ACSM2A: variants seen among roughly 807,000 people sequenced by gnomAD.
ACSM2A encodes acyl-coenzyme A synthetase ACSM2A, mitochondrial.
ACSM2A carries 72 observed loss-of-function variants against 76.6 expected under a neutral mutation model. The observed-to-expected ratio is 0.94, with a 90% confidence interval of 0.78 to 1.14. The LOEUF is 1.14. ACSM2A is among the 50% of genes most tolerant of loss of function. The probability of loss-of-function intolerance (pLI) is 0.00; values close to 1 mark genes in which losing one functional copy is unlikely to be tolerated. For missense variants in ACSM2A, 684 were observed against 708.5 expected, an observed-to-expected ratio of 0.97 and a Z score of 0.39; for synonymous variants, 249 against 255.9, an observed-to-expected ratio of 0.97 and a Z score of 0.26.
At chr16:20,471,759 A>G (rs2013426736) in intron 6 of ACSM2A, 70 bp downstream of exon 6, 1 of 1,552,782 alleles carries the variant, frequency 6.4e-7, no homozygotes, top group African/African-American at 1.4e-5. Context: ...AATTTATTGT[A>G]GTTTGTTTCA....
intron 3 of ACSM2A, among the ~76,000 whole-genome samples, chr16:20,466,577 G>C (rs983707639): frequency 3.3e-5 from 5 of 152,212 alleles, no homozygotes; most frequent in Admixed American, 2.6e-4. Flanking sequence ...AGTTTTTCAA[G>C]GATGCTTTGG....
chr16:20,478,406 G>A (rs1826721636), intron 9 of ACSM2A, among the ~76,000 whole-genome samples, 170 bp from the exon 10 acceptor site: 1 of 152,196 alleles, frequency 6.6e-6, no homozygotes, highest in Admixed American at 6.5e-5. Flanking sequence ...CAGGCAGATA[G>A]ATCAGAGATC....
intron 10 of ACSM2A, among the ~76,000 whole-genome samples, chr16:20,479,107 T>G (rs1456929988): frequency 6.6e-6 from 1 of 152,088 alleles, no homozygotes; most frequent in African/African-American, 2.4e-5. Context: ...AATCCCTATC[T>G]TCAGATCTTG....
intron 12 of ACSM2A, chr16:20,481,523 C>G (rs2014082119): frequency 6.6e-6 from 1 of 152,228 alleles, no homozygotes; most frequent in South Asian, 2.1e-4. Flanking sequence ...AATAGCTGAT[C>G]TCATGGAGAT....
chr16:20,459,013 G>A (rs2141689752), intron 1 of ACSM2A, among the ~76,000 whole-genome samples: 1 of 141,686 alleles, frequency 7.1e-6, no homozygotes, highest in South Asian at 2.2e-4. Flanking sequence ...GATGGGATTG[G>A]AGACCATCGT....
chr16:20,459,744 G>T (rs2012487912), intron 1 of ACSM2A, among the ~76,000 whole-genome samples: 1 of 152,162 alleles, frequency 6.6e-6, no homozygotes, highest in African/African-American at 2.4e-5. Flanking sequence ...ACTTGAAAAT[G>T]AATGGGGATT....
intron 12 of ACSM2A, chr16:20,482,134 C>CAAAAAAAAAAAAAAAAAAAAAAAAAAAA: frequency 2.0e-5 from 1 of 49,724 alleles, no homozygotes; most frequent in Non-Finnish European, 4.9e-5. Flanking sequence ...GACTCTGTCT[C>CAAAAAAAAAAAAAAAAAAAAAAAAAAAA]AAAAAAAAAA....
At chr16:20,456,530 A>C (rs1043418808) in intron 1 of ACSM2A, among the ~76,000 whole-genome samples, 1 of 152,034 alleles carries the variant, frequency 6.6e-6, no homozygotes, top group Non-Finnish European at 1.5e-5. Context: ...GTGGAAATTA[A>C]ATAACCTGTT....
At chr16:20,465,120 T>C (rs1334959808) in intron 2 of ACSM2A, among the ~76,000 whole-genome samples, 1 of 152,170 alleles carries the variant, frequency 6.6e-6, no homozygotes, top group African/African-American at 2.4e-5. Flanking sequence ...GAGGATCCAA[T>C]GTTTTTCTAC....
intron 12 of ACSM2A, chr16:20,481,813 T>C (rs2014101592): frequency 7.5e-6 from 1 of 133,572 alleles, no homozygotes; most frequent in Non-Finnish European, 1.6e-5. Flanking sequence ...TATTTGCGTG[T>C]AACAAAATGT....
chr16:20,467,543 G>A (rs1244920614), intron 3 of ACSM2A, among the ~76,000 whole-genome samples: 2 of 152,122 alleles, frequency 1.3e-5, no homozygotes, highest in African/African-American at 2.4e-5. Flanking sequence ...GGAGATAAGT[G>A]GATTTAACAG....
intron 2 of ACSM2A, among the ~76,000 whole-genome samples, chr16:20,463,197 G>T (rs1331352496): frequency 2.7e-5 from 4 of 150,776 alleles, no homozygotes; most frequent in African/African-American, 9.7e-5. Context: ...AAACGTGCAC[G>T]TTGTGCACAT....
At chr16:20,474,221 G>A (rs376984708) in intron 6 of ACSM2A, 40 of 272,342 alleles carry the variant, frequency 1.5e-4, no homozygotes, top group African/African-American at 3.2e-4. Context: ...CTCTTCAAAT[G>A]TTTTACAGAG....
At chr16:20,462,118 G>A (rs1206498872) in intron 2 of ACSM2A, among the ~76,000 whole-genome samples, 1 of 152,116 alleles carries the variant, frequency 6.6e-6, no homozygotes. Context: ...TATCTCAAAG[G>A]TCAGTCTTAG....
At chr16:20,474,507 T>C (rs995320119) in intron 6 of ACSM2A, among the ~76,000 whole-genome samples, 61 of 152,306 alleles carry the variant, frequency 4.0e-4, no homozygotes, top group Non-Finnish European at 7.9e-4. Context: ...CCTTGGACTT[T>C]CCAGCCCCTA....
At chr16:20,464,735 A>T (rs142707329) in intron 2 of ACSM2A, among the ~76,000 whole-genome samples, 2,293 of 152,210 alleles carry the variant, frequency 0.015, 36 homozygotes, top group African/African-American at 0.051. Context: ...TAGAATAGTC[A>T]AATTCATAGA....
intron 10 of ACSM2A, among the ~76,000 whole-genome samples, chr16:20,480,344 C>A (rs1301852340): frequency 6.6e-6 from 1 of 152,148 alleles, no homozygotes; most frequent in Non-Finnish European, 1.5e-5. Flanking sequence ...TCAGACTGGA[C>A]CTAGAGGAGT....
In ACSM2A at chr16:20,458,905, C is replaced by CATATATATATATAT. The variant is rs72108144; in HGVS notation, c.-8-1188_-8-1175dup. 2.7e-4 allele frequency among the ~76,000 whole-genome samples: 20 copies of CATATATATATATAT among 74,874 alleles called. 1 individual carries two copies. In the South Asian group the frequency reaches 6.3e-3, roughly 24 times the overall value. The allele number at this position is 74,874 out of a possible 152,430, so 49.1% of individuals were successfully genotyped here. On this transcript the variant is annotated intron_variant, in intron 1 of 13. Coordinates refer to ENST00000573854, the MANE Select transcript of ACSM2A (RefSeq NM_001308172.2). ...ACATAGTATATATTATATATATATG[C>CATATATATATATAT]ATATATATATATATATATATATATA...
rs769476483 is a variant in ACSM2A at position 20,478,567 on chromosome 16, T to C, written c.1180-9T>C. The C allele has an allele frequency of 6.2e-7, 1 of 1,612,646 alleles. No homozygotes were observed. The highest frequency in any genetic ancestry group is 8.5e-7 in the Non-Finnish European group (1 of 1,179,056). ...GTGCATCATTCTTCCAATCTGCTTCTTTCTCCAGATCATAGATGATAAGGG... is the reference window on the plus strand; with the variant it reads ...GTGCATCATTCTTCCAATCTGCTTCCTTCTCCAGATCATAGATGATAAGGG... On this transcript the variant is annotated splice_polypyrimidine_tract_variant and intron_variant, in intron 9 of 13. Coordinates refer to ENST00000573854, the MANE Select transcript of ACSM2A (RefSeq NM_001308172.2).
Sources: gnomAD v4.1 joint callset for allele counts (sites outside exome capture counted in the v4.1 genomes callset) on GRCh38, gnomAD v4.1.1 for gene constraint, MANE v1.5 for transcripts, NCBI Gene and HGNC (gene_info 2026-07-23, HGNC 2026-07-21) for gene names.